Variants in AP2A2 observed in about 807,000 individuals in gnomAD.
The protein encoded by AP2A2 is adaptor related protein complex 2 subunit alpha 2, also known as AP-2 complex subunit alpha-2.
Under a neutral mutation model 104.2 loss-of-function variants are expected in AP2A2, and 32 were observed. That is an observed-to-expected ratio of 0.31 (90% CI 0.23 to 0.41). The LOEUF is 0.41. AP2A2 is among the 10% of genes least tolerant of loss of function. The probability of loss-of-function intolerance (pLI) is 1.00; values close to 1 mark genes in which losing one functional copy is unlikely to be tolerated. For synonymous variants in AP2A2, 539 were observed against 533.3 expected (o/e 1.01, Z -0.15); for missense variants, 912 against 1,261.0 (o/e 0.72, Z 4.19).
chr11:1,007,984 G>A (rs1380606779), intron 17 of AP2A2, 28 bp from the exon 18 acceptor site: 2 of 1,552,274 alleles, frequency 1.3e-6, no homozygotes, highest in South Asian at 2.4e-5. Flanking sequence ...ACTGGGACTT[G>A]CTCAGCTGGA....
intron 6 of AP2A2, among the ~76,000 whole-genome samples, chr11:983,574 G>GCA (rs1855336708): frequency 6.6e-6 from 1 of 151,848 alleles, no homozygotes; most frequent in African/African-American, 2.4e-5. Context: ...TAGTAGAGAT[G>GCA]GGGTTTCACT....
chr11:930,530 T>TC (rs1290138717), intron 1 of AP2A2, among the ~76,000 whole-genome samples: 1 of 152,160 alleles, frequency 6.6e-6, no homozygotes, highest in East Asian at 1.9e-4. Context: ...TTAGAATTTT[T>TC]TTTTTTTTGA....
chr11:934,529 C>T (rs1231529051), intron 1 of AP2A2, among the ~76,000 whole-genome samples: 1 of 152,138 alleles, frequency 6.6e-6, no homozygotes, highest in Non-Finnish European at 1.5e-5. Context: ...CATCTCTGTG[C>T]TTGGCTTCAG....
rs1855387734 is a variant in AP2A2 at position 984,654 on chromosome 11, T to A, written c.715T>A (p.Ser239Thr). ...CTGTGCTGTCTTACAGATCGTGACGTCTGCATCCACAGATCTCCAGGATTA... is the reference window on the plus strand; with the variant it reads ...CTGTGCTGTCTTACAGATCGTGACGACTGCATCCACAGATCTCCAGGATTA... ...AVSRLSRIVT[S>T]ASTDLQDYTY... The change falls in exon 7 of 22, where the codon TCT becomes ACT. Residue 239 changes from serine to threonine, a missense_variant. Ser to Thr is a moderately conservative substitution (Grantham distance 58). Around this residue, in one of 7 missense-constraint regions of AP2A2, gnomAD observed 350 missense variants for 487.0 expected, o/e 0.72. Coordinates refer to ENST00000448903, the MANE Select transcript of AP2A2 (RefSeq NM_012305.4). 6.2e-7 allele frequency: 1 copy of A among 1,612,360 alleles called. No individual in the cohort carries two copies.
At chr11:1,004,778 AT>A (rs1452443965) in intron 16 of AP2A2, among the ~76,000 whole-genome samples, 1 of 152,242 alleles carries the variant, frequency 6.6e-6, no homozygotes, top group Admixed American at 6.5e-5. Context: ...CCTGTCGTTC[AT>A]TCATTCATTC....
Position 1,007,846 on chromosome 11 carries a change from G to C in AP2A2, c.2297-166G>C, listed in dbSNP as rs541740258. 43 of 890,362 alleles carry C rather than the reference G, an allele frequency of 4.8e-5. No individual in the cohort carries two copies. The Admixed American group carries it at 8.2e-4, about 17-fold the overall frequency. The allele number at this position is 890,362 out of a possible 1,614,324, so 55.2% of individuals were successfully genotyped here. Reference sequence around the variant, plus strand: ...GCAGACAGTGTTTTGAGGATTGTCTGGGTGGAAGGGCAGGGCCGGGTGGTG... The same window carrying C: ...GCAGACAGTGTTTTGAGGATTGTCTCGGTGGAAGGGCAGGGCCGGGTGGTG... On this transcript the variant is annotated intron_variant, in intron 17 of 21. Transcript: ENST00000448903.
intron 3 of AP2A2, 60 bp from the exon 4 acceptor site, chr11:972,002 G>A: frequency 4.0e-6 from 6 of 1,501,678 alleles, no homozygotes; most frequent in Non-Finnish European, 5.4e-6. Flanking sequence ...GGGTGACTCA[G>A]GGCCACAGGT....
At chr11:954,419 T>C (rs553389695) in intron 1 of AP2A2, among the ~76,000 whole-genome samples, 2 of 152,156 alleles carry the variant, frequency 1.3e-5, no homozygotes, top group African/African-American at 4.8e-5. Context: ...TGTGTGTGTG[T>C]ATGTATTTGT....
At chr11:955,469 G>T (rs1414010416) in intron 1 of AP2A2, among the ~76,000 whole-genome samples, 7 of 152,214 alleles carry the variant, frequency 4.6e-5, no homozygotes, top group South Asian at 4.1e-4. Context: ...GGGATGCTGA[G>T]ACGCTGGGCA....
chr11:969,487 A>G (rs1263220036), intron 2 of AP2A2, among the ~76,000 whole-genome samples: 1 of 151,994 alleles, frequency 6.6e-6, no homozygotes, highest in African/African-American at 2.4e-5. Context: ...CGGCCTCCCA[A>G]AGTTCTGGGA....
rs1855691242 is a variant in AP2A2, at chr11:992,460, C to T, written c.1270-43C>T. 6 of 1,549,504 alleles carry T rather than the reference C, an allele frequency of 3.9e-6. No homozygotes were observed. The East Asian group carries it at 1.5e-4, about 38-fold the overall frequency. On this transcript the variant is annotated intron_variant, in intron 10 of 21. Coordinates refer to ENST00000448903, the MANE Select transcript of AP2A2 (RefSeq NM_012305.4). The surrounding 1 kb of genome is among the most constrained non-coding windows in gnomAD (Gnocchi z 6.4). ...GACGACAGTTTGGTCTTGGGATTGC[C>T]ATGGCCTGCAGGTGCCGGCCCTCAG...
intron 1 of AP2A2, among the ~76,000 whole-genome samples, chr11:933,208 C>T (rs1853344203): frequency 6.6e-6 from 1 of 152,126 alleles, no homozygotes; most frequent in Non-Finnish European, 1.5e-5. Flanking sequence ...GCGGAGGTTG[C>T]AGTAAGCCAA....
chr11:986,510 G>A (rs1855462873), intron 8 of AP2A2, among the ~76,000 whole-genome samples: 2 of 152,206 alleles, frequency 1.3e-5, no homozygotes, highest in Non-Finnish European at 2.9e-5. Context: ...TGCAGATTGA[G>A]GCTCAGGAGG....
At chr11:970,334 A>G (rs376247164) in intron 3 of AP2A2, 23 bp downstream of exon 3, 16 of 1,609,988 alleles carry the variant, frequency 9.9e-6, no homozygotes, top group Non-Finnish European at 1.4e-5. Flanking sequence ...GCAGGTGGAG[A>G]CGGCAGAGGA....
intron 1 of AP2A2, among the ~76,000 whole-genome samples, chr11:951,682 G>A (rs1854059369): frequency 6.6e-6 from 1 of 152,200 alleles, no homozygotes; most frequent in African/African-American, 2.4e-5. Context: ...GGCAGGTTGC[G>A]GTTAAGTTGA....
intron 2 of AP2A2, among the ~76,000 whole-genome samples, chr11:964,122 C>G (rs981959974): frequency 2.5e-4 from 38 of 152,252 alleles, no homozygotes; most frequent in Non-Finnish European, 2.5e-4. Context: ...AGAGGGAATA[C>G]CCGTAGGGCA....
chr11:1,006,223 CTTCCCCGTGCATATG>C (rs908636578), intron 16 of AP2A2, among the ~76,000 whole-genome samples: 1 of 152,268 alleles, frequency 6.6e-6, no homozygotes, highest in Admixed American at 6.5e-5. Context: ...TCTGTGGGTC[CTTCCCCGTGCATATG>C]CGTGTGATCT....
chr11:993,891 G>A lies in AP2A2; in HGVS notation c.1688G>A (p.Arg563His), dbSNP rs530153811. 17 of 1,610,756 alleles carry A rather than the reference G, an allele frequency of 1.1e-5. No homozygotes were observed. Among genetic ancestry groups the A allele is most frequent in the African/African-American group, 5.3e-5 (4 of 75,030 alleles). The change falls in exon 13 of 22, where the codon CGC (arginine) becomes CAC (histidine). Residue 563 changes from arginine to histidine, a missense_variant. Arg to His is a conservative substitution (Grantham distance 29, BLOSUM62 0). Around this residue, in one of 7 missense-constraint regions of AP2A2, gnomAD observed 137 missense variants for 186.9 expected, o/e 0.73. Coordinates refer to ENST00000448903, the MANE Select transcript of AP2A2 (RefSeq NM_012305.4). The surrounding 1 kb of genome is among the most constrained non-coding windows in gnomAD (Gnocchi z 8.2). ...EVKPTIQDVL[R>H]SDSQLRNADV... is the part of the protein sequence containing the mutation. ...AAGCCCACCATCCAGGACGTGCTGC[G>A]CAGCGACAGCCAGCTCAGGAACGCA...
rs899816005 is a variant in AP2A2, at chr11:1,000,491, G to A, written c.2016G>A (p.Ala672=). ...LGLGAAPPAP[A]GPPPSSGGSG... ...TCGGGGCTGCCCCCCCTGCCCCCGC[G>A]GGCCCCCCACCCTCCTCCGGCGGCA... The change falls in exon 15 of 22, where the codon GCG becomes GCA. Residue 672 remains alanine, a synonymous_variant. Transcript: ENST00000448903. 39 of 1,539,802 alleles carry A rather than the reference G, an allele frequency of 2.5e-5. No homozygotes were observed. Among genetic ancestry groups the A allele is most frequent in the Middle Eastern group, 2.0e-4 (1 of 5,006 alleles).
Sources: gnomAD v4.1 joint callset for allele counts (sites outside exome capture counted in the v4.1 genomes callset) on GRCh38, gnomAD v4.1.1 for gene constraint, gnomAD v4.1.1 regional missense constraint, Gnocchi (gnomAD v3.1) non-coding constraint, MANE v1.5 for transcripts, NCBI Gene and HGNC (gene_info 2026-07-23, HGNC 2026-07-21) for gene names.